The following SLC25A40 variants were observed in gnomAD, a reference collection of about 807,000 sequenced individuals.
SLC25A40 encodes mitochondrial glutathione transporter SLC25A40.
Under a neutral mutation model 46.5 loss-of-function variants are expected in SLC25A40, and 41 were observed. The observed-to-expected ratio is 0.88, with a 90% CI of 0.69 to 1.14. The LOEUF is 1.14. SLC25A40 is among the 50% of genes most tolerant of loss of function. The probability of loss-of-function intolerance (pLI) is 0.00; values close to 1 mark genes in which losing one functional copy is unlikely to be tolerated. For missense variants in SLC25A40, 386 were observed against 393.6 expected (o/e 0.98, Z 0.16); for synonymous variants, 126 against 127.5 (o/e 0.99, Z 0.08).
intron 2 of SLC25A40, among the ~76,000 whole-genome samples, chr7:87,859,206 G>C (rs1429287031): frequency 6.6e-6 from 1 of 152,138 alleles, no homozygotes; most frequent in Non-Finnish European, 1.5e-5. Context: ...TGTAACCCCA[G>C]CACTTTTGGA....
At chr7:87,838,414 C>T (rs922213775) in intron 10 of SLC25A40, among the ~76,000 whole-genome samples, 1 of 151,362 alleles carries the variant, frequency 6.6e-6, no homozygotes, top group African/African-American at 2.4e-5. Flanking sequence ...TCTAGTGGAA[C>T]CTCAGAAGTG....
At chr7:87,860,046 A>C (rs1429158333) in intron 2 of SLC25A40, 2 of 152,112 alleles carry the variant, frequency 1.3e-5, no homozygotes, top group African/African-American at 4.8e-5. Flanking sequence ...AAATACAAAA[A>C]ATTAGCAGGG....
intron 1 of SLC25A40, among the ~76,000 whole-genome samples, chr7:87,866,748 C>A (rs1339861401): frequency 6.6e-6 from 1 of 152,228 alleles, no homozygotes. Context: ...CCACCTGTTT[C>A]AGTCCCGATA....
intron 1 of SLC25A40, among the ~76,000 whole-genome samples, chr7:87,862,810 C>T (rs1330065904): frequency 1.3e-5 from 2 of 152,166 alleles, no homozygotes; most frequent in South Asian, 2.1e-4. Context: ...GCAAGTCTCA[C>T]ATGGCAGCAG....
chr7:87,844,151 T>C (rs973250014), intron 8 of SLC25A40: 6 of 171,736 alleles, frequency 3.5e-5, no homozygotes, highest in Non-Finnish European at 7.0e-5. Flanking sequence ...GGCCAATCTA[T>C]TGATGATCAT....
intron 1 of SLC25A40, among the ~76,000 whole-genome samples, chr7:87,873,428 A>G (rs919236666): frequency 1.2e-4 from 17 of 142,282 alleles, no homozygotes; most frequent in Non-Finnish European, 2.2e-4. Context: ...AGAAAGGTTA[A>G]CTTTTTTTTT....
rs201558500 is a variant in SLC25A40, at chr7:87,873,240, G to GA, written c.-94+2855dup. 1.4e-3 allele frequency among the ~76,000 whole-genome samples: 216 copies of GA among 149,170 alleles called. 1 individual carries two copies. Among genetic ancestry groups the GA allele is most frequent in the African/African-American group, 4.7e-3 (191 of 40,650 alleles). ...GGTGAAGAGGCTTAGGCAAAAGAAA[G>GA]AAAAAAAAAGTGATAAGTACTACAA... is the stretch of plus-strand genomic sequence containing the variant. On this transcript the variant is annotated intron_variant, in intron 1 of 11. Coordinates refer to ENST00000341119, the MANE Select transcript of SLC25A40 (RefSeq NM_018843.4).
intron 6 of SLC25A40, 51 bp downstream of exon 6, chr7:87,849,830 G>A: frequency 1.6e-6 from 2 of 1,267,636 alleles, no homozygotes; most frequent in South Asian, 1.4e-5. Flanking sequence ...CTGATTATAG[G>A]ATAAAATAAC....
intron 11 of SLC25A40, 79 bp downstream of exon 11, chr7:87,836,651 T>G (rs1169078345): frequency 5.7e-6 from 5 of 874,538 alleles, no homozygotes; most frequent in Non-Finnish European, 8.5e-6. Flanking sequence ...TATAACTTCC[T>G]CCTATAAGTT....
intron 9 of SLC25A40, among the ~76,000 whole-genome samples, 151 bp downstream of exon 9, chr7:87,843,601 ATT>A (rs1838367796): frequency 6.6e-6 from 1 of 152,112 alleles, no homozygotes; most frequent in Non-Finnish European, 1.5e-5. Context: ...TTTGCTAATA[ATT>A]TGTTTCCTTA....
intron 1 of SLC25A40, among the ~76,000 whole-genome samples, chr7:87,863,062 A>G (rs1213037857): frequency 6.6e-6 from 1 of 152,150 alleles, no homozygotes. Context: ...ATCTCTGCAT[A>G]TTTTTATCAG....
intron 4 of SLC25A40, among the ~76,000 whole-genome samples, chr7:87,855,479 T>C (rs1313775514): frequency 6.6e-6 from 1 of 151,500 alleles, no homozygotes; most frequent in East Asian, 1.9e-4. Flanking sequence ...TTCTTCCCAC[T>C]TACTGGACTA....
At position 87,847,168 on chromosome 7, in the gene SLC25A40, T is replaced by C. The variant is rs750507681; in HGVS notation, c.458-46A>G. On this transcript the variant is annotated intron_variant, in intron 7 of 11. Transcript: ENST00000341119. ...AAAAGAAAACAAAAATAAAGCCATG[T>C]ACTATGCAAACACATATACTGTAAA... 6 of 1,453,788 alleles carry C rather than the reference T, an allele frequency of 4.1e-6. No homozygotes were observed. In the East Asian group the frequency reaches 1.4e-4, roughly 33 times the overall value. The allele number at this position is 1,453,788 out of a possible 1,614,324, so 90.1% of individuals were successfully genotyped here.
intron 1 of SLC25A40, among the ~76,000 whole-genome samples, chr7:87,871,463 G>A (rs570640214): frequency 6.6e-6 from 1 of 152,300 alleles, no homozygotes; most frequent in South Asian, 2.1e-4. Context: ...TCCTGAGCTT[G>A]CTTAACTAAG....
chr7:87,872,485 G>T (rs971922342), intron 1 of SLC25A40, among the ~76,000 whole-genome samples: 4 of 152,196 alleles, frequency 2.6e-5, no homozygotes, highest in Non-Finnish European at 5.9e-5. Flanking sequence ...TCAGATGATA[G>T]AGGAAGAAGA....
intron 3 of SLC25A40, among the ~76,000 whole-genome samples, chr7:87,856,705 C>A (rs1179927365): frequency 1.3e-5 from 2 of 152,044 alleles, no homozygotes; most frequent in Admixed American, 1.3e-4. Flanking sequence ...TATAAGTAAT[C>A]AATAGCCAAA....
chr7:87,869,290 C>T (rs1426386465), intron 1 of SLC25A40, among the ~76,000 whole-genome samples: 2 of 151,996 alleles, frequency 1.3e-5, no homozygotes, highest in African/African-American at 4.8e-5. Context: ...CTTTGGGGGG[C>T]CGAGTGAGGC....
intron 11 of SLC25A40, 90 bp downstream of exon 11, chr7:87,836,640 C>A: frequency 4.1e-6 from 3 of 739,482 alleles, no homozygotes; most frequent in South Asian, 2.4e-5. Context: ...AGTATGTTAC[C>A]TATAACTTCC....
chr7:87,871,796 T>C (rs1838899852), intron 1 of SLC25A40, among the ~76,000 whole-genome samples: 2 of 152,240 alleles, frequency 1.3e-5, no homozygotes, highest in African/African-American at 4.8e-5. Context: ...TTTCTTAAAA[T>C]GCACATGTGA....
Sources: gnomAD v4.1 joint callset for allele counts (sites outside exome capture counted in the v4.1 genomes callset) on GRCh38, gnomAD v4.1.1 for gene constraint, MANE v1.5 for transcripts, NCBI Gene and HGNC (gene_info 2026-07-23, HGNC 2026-07-21) for gene names.